The following SUGP2 variants were observed in gnomAD, a reference collection of about 807,000 sequenced individuals.
SUGP2 encodes the protein SURP and G-patch domain containing 2.
A neutral mutation model predicts 90.5 loss-of-function variants in SUGP2; 24 were observed. The ratio of observed to expected loss-of-function variants is 0.27; its 90% CI spans 0.19 to 0.37. SUGP2 has a LOEUF of 0.37. SUGP2 is among the 10% of genes least tolerant of loss of function. The pLI is 1.00. For synonymous variants in SUGP2, 473 were observed against 513.4 expected (o/e 0.92, Z 1.06); for missense variants, 1,233 against 1,363.3 (o/e 0.90, Z 1.51).
chr19:19,033,682 G>T, upstream of SUGP2: 1 of 261,066 alleles, frequency 3.8e-6, no homozygotes, highest in Non-Finnish European at 6.4e-6. Flanking sequence ...TCCCTGCTGG[G>T]GGCGGCGACC....
intron 6 of SUGP2, chr19:19,007,313 C>A (rs980202462): frequency 1.3e-5 from 2 of 152,316 alleles, no homozygotes; most frequent in Admixed American, 1.3e-4. Context: ...GGCTGACTAT[C>A]ACTACTATCA....
At position 19,019,130 on chromosome 19, in the gene SUGP2, A is replaced by G; in HGVS notation, c.1829T>C (p.Leu610Pro). 1 of 1,614,016 alleles carries G rather than the reference A, an allele frequency of 6.2e-7. No homozygotes were observed. Among genetic ancestry groups the G allele is most frequent in the Non-Finnish European group, 8.5e-7 (1 of 1,179,890 alleles). Residue 610 changes from leucine to proline, a missense_variant, in exon 4 of 11, where the codon CTC becomes CCC. Coordinates refer to ENST00000452918, the MANE Select transcript of SUGP2 (RefSeq NM_001017392.5). ...GSLSPKERTLLKEDPAYWFLS... is the reference protein window; with the variant it reads ...GSLSPKERTLPKEDPAYWFLS... ...CTACCAGTAAGCAGGGTCCTCTTTG[A>G]GAAGAGTTCTCTCTTTGGGAGACAG... is the stretch of plus-strand genomic sequence containing the variant.
At chr19:19,004,864 C>G (rs1205715774) in intron 6 of SUGP2, among the ~76,000 whole-genome samples, 1 of 152,160 alleles carries the variant, frequency 6.6e-6, no homozygotes, top group Non-Finnish European at 1.5e-5. Flanking sequence ...ATTCAAGAAG[C>G]CTAACTGCTT....
chr19:19,029,490 G>A (rs1316366401), intron 2 of SUGP2, among the ~76,000 whole-genome samples: 1 of 150,024 alleles, frequency 6.7e-6, no homozygotes, highest in East Asian at 2.0e-4. Context: ...CCAGGCTGGA[G>A]TGCAGTAGCG....
At chr19:19,024,159 G>A (rs1302681269) in intron 3 of SUGP2, among the ~76,000 whole-genome samples, 2 of 152,124 alleles carry the variant, frequency 1.3e-5, no homozygotes, top group African/African-American at 4.8e-5. Flanking sequence ...ACCCAGGTTG[G>A]AGTGCAGTGG....
Position 18,994,479 on chromosome 19 carries a change from G to A in SUGP2, c.3136C>T (p.Pro1046Ser). The part of the protein sequence containing the change: ...GIREPVSVGT[P>S]SEGEGLGADG... ...GCACCCAACCCTTCCCCTTCCGAGG[G>A]GGTTCCCCTAGGGAGTGAAAAAGAG... The change falls in exon 10 of 11, where the codon CCC (proline) becomes TCC (serine). Residue 1046 changes from proline to serine, a missense_variant. This residue lies in a region of SUGP2 where 53 missense variants were observed against 55.3 expected (regional missense o/e 0.96). Coordinates refer to ENST00000452918, the MANE Select transcript of SUGP2 (RefSeq NM_001017392.5). 9.3e-6 allele frequency: 15 copies of A among 1,613,954 alleles called. No individual in the cohort carries two copies. Among genetic ancestry groups the A allele is most frequent in the Non-Finnish European group, 1.3e-5 (15 of 1,179,928 alleles).
Position 19,025,025 on chromosome 19 carries a change from T to C in SUGP2, c.1323A>G (p.Thr441=), listed in dbSNP as rs772085475. The C allele has an allele frequency of 9.3e-6, 15 of 1,614,038 alleles. No individual in the cohort carries two copies. The highest frequency in any genetic ancestry group is 1.3e-5 in the Non-Finnish European group (15 of 1,180,048). Residue 441 remains threonine, a synonymous_variant, in exon 3 of 11, where the codon ACA becomes ACG. Coordinates refer to ENST00000452918, the MANE Select transcript of SUGP2 (RefSeq NM_001017392.5). ...AGGCATTGCAGGCCATAAGCAAAGG[T>C]GTGACACTCTTCAGAAGCCGGTCTT... is the stretch of plus-strand genomic sequence containing the variant. ...RLQDRLLKSV[T]PLLMACNAYE...
Position 19,016,025 on chromosome 19 carries a change from C to T in SUGP2, c.1850+3084G>A, listed in dbSNP as rs545292281. 6.6e-5 allele frequency among the ~76,000 whole-genome samples: 10 copies of T among 152,280 alleles called. No homozygotes were observed. The South Asian group carries it at 1.9e-3, about 28-fold the overall frequency. On this transcript the variant is annotated intron_variant, in intron 4 of 10. Coordinates refer to ENST00000452918, the MANE Select transcript of SUGP2 (RefSeq NM_001017392.5). ...TACCTGAGACTATTCATTGCACATA[C>T]ATATTTATAGACTACACCTCCTCTT... is the stretch of plus-strand genomic sequence containing the variant.
In SUGP2 at chr19:19,024,831, T is replaced by A. The variant is rs371184642; in HGVS notation, c.1517A>T (p.Asp506Val). The change falls in exon 3 of 11, where the codon GAT becomes GTT. Residue 506 changes from aspartate to valine, a missense_variant. By Grantham distance (152) the Asp-to-Val change is radical (BLOSUM62 -3). Transcript: ENST00000452918. Reference protein sequence around the residue: ...EKILEAVGLQDIAPSPAAFPN... With the variant: ...EKILEAVGLQVIAPSPAAFPN... The stretch of plus-strand genomic sequence containing the variant: ...AAACGCAGCAGGTGAGGGAGCTATA[T>A]CTTGCAGGCCGACAGCTTCTAAGAT... The A allele has an allele frequency of 6.2e-7, 1 of 1,614,154 alleles. No homozygotes were observed. Among genetic ancestry groups the A allele is most frequent in the South Asian group, 1.1e-5 (1 of 91,078 alleles).
At position 19,001,677 on chromosome 19, in the gene SUGP2, A is replaced by G. The variant is rs558451108; in HGVS notation, c.2930-3T>C. On this transcript the variant is annotated splice_polypyrimidine_tract_variant and splice_region_variant and intron_variant, in intron 7 of 10. Coordinates refer to ENST00000452918, the MANE Select transcript of SUGP2 (RefSeq NM_001017392.5). ...GGCAATTCGAACTGGTTCATGGACT[A>G]GAAGACAAAAGAAAGAGACACATAC... 3.1e-6 allele frequency: 5 copies of G among 1,614,212 alleles called. No homozygotes were observed. In the South Asian group the frequency reaches 4.4e-5, roughly 14 times the overall value.
At chr19:19,017,796 G>A (rs1452083292) in intron 4 of SUGP2, among the ~76,000 whole-genome samples, 1 of 151,950 alleles carries the variant, frequency 6.6e-6, no homozygotes, top group Non-Finnish European at 1.5e-5. Context: ...AAAATAAAAA[G>A]TGCTGCAGCT....
At chr19:19,018,227 G>A (rs898234453) in intron 4 of SUGP2, among the ~76,000 whole-genome samples, 1 of 152,178 alleles carries the variant, frequency 6.6e-6, no homozygotes, top group East Asian at 1.9e-4. Flanking sequence ...AGCTACTTGG[G>A]AGGCTGAGGC....
chr19:19,014,729 T>C (rs966170477), intron 4 of SUGP2, among the ~76,000 whole-genome samples: 8 of 150,368 alleles, frequency 5.3e-5, no homozygotes, highest in Admixed American at 4.0e-4. Context: ...TGAGCCCAGG[T>C]TGAGGCTGCA....
chr19:19,022,686 A>G (rs759997090), intron 3 of SUGP2, among the ~76,000 whole-genome samples: 2 of 152,116 alleles, frequency 1.3e-5, no homozygotes, highest in Non-Finnish European at 2.9e-5. Flanking sequence ...TTCTTCCTTC[A>G]TACAGTATGC....
chr19:18,995,683 C>A (rs1437604571), intron 8 of SUGP2, among the ~76,000 whole-genome samples: 1 of 152,196 alleles, frequency 6.6e-6, no homozygotes, highest in Non-Finnish European at 1.5e-5. Context: ...CACAGGCCTG[C>A]AGGCAGGATG....
chr19:18,998,651 T>G (rs530001936), intron 8 of SUGP2, among the ~76,000 whole-genome samples: 1 of 151,962 alleles, frequency 6.6e-6, no homozygotes, highest in East Asian at 1.9e-4. Context: ...TGTGTGTATC[T>G]TGTGTGTGTG....
At chr19:18,994,668 G>T (rs2057501239) in intron 9 of SUGP2, 182 bp from the exon 10 acceptor site, 4 of 860,374 alleles carry the variant, frequency 4.6e-6, no homozygotes, top group Non-Finnish European at 6.9e-6. Flanking sequence ...CCCTCGAAGA[G>T]CTGGCTTTTG....
intron 5 of SUGP2, among the ~76,000 whole-genome samples, chr19:19,008,868 C>T (rs2058192210): frequency 6.6e-6 from 1 of 152,136 alleles, no homozygotes; most frequent in Non-Finnish European, 1.5e-5. Flanking sequence ...CAGCAGATGA[C>T]CCAGCCACTG....
At chr19:18,997,782 CAAAAAAA>C (rs35875282) in intron 8 of SUGP2, among the ~76,000 whole-genome samples, 1 of 88,288 alleles carries the variant, frequency 1.1e-5, no homozygotes, top group African/African-American at 4.3e-5. Context: ...GACTCCGTCT[CAAAAAAA>C]AAAAAAAAAA....
Sources: allele counts gnomAD v4.1 joint callset (sites outside exome capture counted in the v4.1 genomes callset), GRCh38; gene constraint gnomAD v4.1.1; regional missense constraint gnomAD v4.1.1; transcripts MANE v1.5; gene names NCBI Gene and HGNC (gene_info 2026-07-23, HGNC 2026-07-21).